Variants in AUTS2 observed in about 807,000 individuals in gnomAD.
AUTS2 encodes autism susceptibility gene 2 protein.
A neutral mutation model predicts 112.4 loss-of-function variants in AUTS2; 17 were observed. That is an observed-to-expected ratio of 0.15 (90% confidence interval 0.10 to 0.23). The LOEUF is 0.23. Among genes scored for constraint, AUTS2 ranks in the 10% least tolerant of loss-of-function variants. AUTS2 has a pLI of 1.00. For synonymous variants in AUTS2, 751 were observed against 702.7 expected (o/e 1.07, Z -1.09); for missense variants, 1,510 against 1,701.6 (o/e 0.89, Z 1.98).
intron 5 of AUTS2, among the ~76,000 whole-genome samples, chr7:70,562,357 GAAGGATGAC>G (rs1204415348): frequency 6.6e-6 from 1 of 152,194 alleles, no homozygotes; most frequent in Non-Finnish European, 1.5e-5. Context: ...AACAGAGAAT[GAAGGATGAC>G]AAGCTGCCAG....
chr7:70,322,194 T>C (rs781723001), intron 4 of AUTS2, among the ~76,000 whole-genome samples: 21 of 152,192 alleles, frequency 1.4e-4, no homozygotes, highest in African/African-American at 4.3e-4. Context: ...TAAAATTCTT[T>C]ATAGGCATAA....
intron 5 of AUTS2, among the ~76,000 whole-genome samples, chr7:70,651,528 A>G (rs923794775): frequency 6.6e-6 from 1 of 152,222 alleles, no homozygotes; most frequent in Admixed American, 6.5e-5. Context: ...AAACACTTAC[A>G]TTAGCCTACC....
intron 4 of AUTS2, among the ~76,000 whole-genome samples, chr7:70,311,333 T>C (rs1279434584): frequency 6.6e-6 from 1 of 152,204 alleles, no homozygotes; most frequent in African/African-American, 2.4e-5. Flanking sequence ...AGTTTTGCCA[T>C]TATTATTAAC....
rs186624141 is a variant in AUTS2 at position 70,709,539 on chromosome 7, C to T, written c.742+10919C>T. Among the ~76,000 whole-genome samples the T allele has an allele frequency of 1.1e-3, 165 of 152,158 alleles. 2 individuals carry two copies. In the East Asian group the frequency reaches 0.025, roughly 23 times the overall value. Reference sequence around the variant, plus strand: ...CAGCCTGGCCAACATGGCGAAACCCCATCTCTACTAAAAATACAAAAATGA... The same window carrying T: ...CAGCCTGGCCAACATGGCGAAACCCTATCTCTACTAAAAATACAAAAATGA... On this transcript the variant is annotated intron_variant, in intron 6 of 18. Coordinates refer to ENST00000342771, the MANE Select transcript of AUTS2 (RefSeq NM_015570.4).
At chr7:70,080,317 G>A (rs1226897946) in intron 2 of AUTS2, among the ~76,000 whole-genome samples, 3 of 152,068 alleles carry the variant, frequency 2.0e-5, no homozygotes, top group South Asian at 2.1e-4. Context: ...TCATGTCCTC[G>A]AGGAAGGAAA....
At chr7:69,682,079 A>T (rs1369012663) in intron 1 of AUTS2, among the ~76,000 whole-genome samples, 1 of 152,248 alleles carries the variant, frequency 6.6e-6, no homozygotes, top group Non-Finnish European at 1.5e-5. Context: ...TCTAGCCCAT[A>T]GTAAGCACTC....
chr7:70,496,284 G>A (rs1451572270), intron 5 of AUTS2, among the ~76,000 whole-genome samples: 34 of 68,048 alleles, frequency 5.0e-4, no homozygotes, highest in East Asian at 1.6e-3. Context: ...CATCAGCGTC[G>A]ATCACACACC....
At chr7:69,672,270 T>G (rs2851519) in intron 1 of AUTS2, among the ~76,000 whole-genome samples, 128,893 of 151,826 alleles carry the variant, frequency 0.85, 54,957 homozygotes, top group African/African-American at 0.93. Context: ...TGTTGGTCAG[T>G]CCGATCTCGA....
At chr7:70,620,394 AC>A (rs1016559282) in intron 5 of AUTS2, among the ~76,000 whole-genome samples, 5 of 152,006 alleles carry the variant, frequency 3.3e-5, no homozygotes, top group African/African-American at 9.7e-5. Flanking sequence ...ACCCTGGTTT[AC>A]CTGTTCAAGG....
intron 6 of AUTS2, among the ~76,000 whole-genome samples, chr7:70,750,681 C>T (rs559089978): frequency 3.3e-5 from 5 of 152,318 alleles, no homozygotes; most frequent in South Asian, 4.1e-4. Context: ...GGATTACAGG[C>T]GTGAGCCACC....
chr7:70,565,591 G>A (rs931531676), intron 5 of AUTS2, among the ~76,000 whole-genome samples: 2 of 152,132 alleles, frequency 1.3e-5, no homozygotes, highest in African/African-American at 4.8e-5. Flanking sequence ...AAGGCAGCAG[G>A]ATTGCCTGAG....
chr7:70,568,536 G>GA (rs138244889), intron 5 of AUTS2, among the ~76,000 whole-genome samples: 15 of 151,328 alleles, frequency 9.9e-5, no homozygotes, highest in East Asian at 1.9e-4. Context: ...CACTTTGGGG[G>GA]AAAAAAAAAT....
chr7:69,774,033 C>A (rs763677463), intron 1 of AUTS2, among the ~76,000 whole-genome samples: 7 of 152,206 alleles, frequency 4.6e-5, no homozygotes, highest in Non-Finnish European at 2.9e-5. Flanking sequence ...GCTTTTTCCA[C>A]TCTAGTGATG....
At chr7:70,540,222 T>C (rs1585275183) in intron 5 of AUTS2, among the ~76,000 whole-genome samples, 1 of 152,062 alleles carries the variant, frequency 6.6e-6, no homozygotes, top group Admixed American at 6.6e-5. Flanking sequence ...GTGGAGGTGG[T>C]GGTCATTCTC....
chr7:70,337,269 T>A (rs2129620161), intron 4 of AUTS2, among the ~76,000 whole-genome samples: 1 of 152,326 alleles, frequency 6.6e-6, no homozygotes, highest in East Asian at 1.9e-4. Context: ...TTGATCTGCC[T>A]AACAAGAACA....
At chr7:69,614,598 C>T (rs903263452) in intron 1 of AUTS2, among the ~76,000 whole-genome samples, 2 of 151,896 alleles carry the variant, frequency 1.3e-5, no homozygotes, top group Admixed American at 6.6e-5. Flanking sequence ...GATCCTCCTG[C>T]CTCAGCCTCC....
chr7:70,560,567 C>G (rs892366477), intron 5 of AUTS2, among the ~76,000 whole-genome samples: 3 of 152,232 alleles, frequency 2.0e-5, no homozygotes, highest in African/African-American at 7.2e-5. Flanking sequence ...ATTATTAACA[C>G]TTCATAAATG....
chr7:69,723,117 T>G (rs1226122495), intron 1 of AUTS2, among the ~76,000 whole-genome samples: 3 of 152,166 alleles, frequency 2.0e-5, no homozygotes, highest in Non-Finnish European at 4.4e-5. Flanking sequence ...CAAAGGACTG[T>G]CTGACACTTT....
At chr7:69,950,860 C>T (rs13362851) in intron 2 of AUTS2, among the ~76,000 whole-genome samples, 8,878 of 151,994 alleles carry the variant, frequency 0.058, 488 homozygotes, top group African/African-American at 0.13. Context: ...TGGTCGGGTG[C>T]GGTGGCTTAC....
Sources: allele counts gnomAD v4.1 joint callset (sites outside exome capture counted in the v4.1 genomes callset), GRCh38; gene constraint gnomAD v4.1.1; transcripts MANE v1.5; gene names NCBI Gene and HGNC (gene_info 2026-07-23, HGNC 2026-07-21).